Variants in HAVCR1 observed in about 807,000 individuals in gnomAD.
HAVCR1 encodes T cell immunoglobin domain and mucin domain protein 1.
In HAVCR1, 34 loss-of-function variants were observed where a neutral mutation model predicts 32.0. The ratio of observed to expected loss-of-function variants is 1.06; its 90% CI spans 0.81 to 1.42. The LOEUF is 1.42. Ranked by LOEUF, HAVCR1 falls within the 40% of genes most tolerant of loss-of-function variation. HAVCR1 has a pLI of 0.00. For missense variants in HAVCR1, 420 were observed against 442.3 expected (o/e 0.95, Z 0.45); for synonymous variants, 178 against 170.3 (o/e 1.05, Z -0.35).
chr5:157,029,642 T>C lies in HAVCR1; in HGVS notation c.*91A>G, dbSNP rs764346701. 24 of 1,579,146 alleles carry C rather than the reference T, an allele frequency of 1.5e-5. No homozygotes were observed. The East Asian group carries it at 1.8e-4, about 12-fold the overall frequency. ...CCAGATGAAACTGAAACAGAAAAAT[T>C]GTCTTGGGGTCTAAAAGACGTCTGA... On this transcript the variant is annotated 3_prime_UTR_variant, in exon 9 of 9. Transcript: ENST00000523175.
chr5:157,055,153 G>T, intron 3 of HAVCR1, 48 bp downstream of exon 3: 2 of 1,033,160 alleles, frequency 1.9e-6, no homozygotes, highest in Non-Finnish European at 2.9e-6. Flanking sequence ...AATTACTACC[G>T]AACAGAAAAT....
At position 157,048,222 on chromosome 5, in the gene HAVCR1, G is replaced by A. The variant is rs560687523; in HGVS notation, c.781+816C>T. On this transcript the variant is annotated intron_variant, in intron 5 of 8. Coordinates refer to ENST00000523175, the MANE Select transcript of HAVCR1 (RefSeq NM_001173393.3). ...GGACTTGTCAGAAGCATAGGGTCTGGTGTTTGAGCTAAACATCAGAGGGCT... is the reference window on the plus strand; with the variant it reads ...GGACTTGTCAGAAGCATAGGGTCTGATGTTTGAGCTAAACATCAGAGGGCT... Among the ~76,000 whole-genome samples the A allele has an allele frequency of 1.1e-4, 17 of 152,302 alleles. 1 individual carries two copies. In the South Asian group the frequency reaches 3.5e-3, roughly 32 times the overall value.
At chr5:157,044,639 AAGAAAGAAAGAAAG>A (rs1561591398) in intron 5 of HAVCR1, among the ~76,000 whole-genome samples, 2 of 112,576 alleles carry the variant, frequency 1.8e-5, no homozygotes, top group African/African-American at 7.7e-5. Context: ...GAAAGAAAGA[AAGAAAGAAAGAAAG>A]AAAGAAAGAA....
In HAVCR1 at chr5:157,029,826, G is replaced by A. The variant is rs551851890; in HGVS notation, c.1002C>T (p.Ser334=). The change falls in exon 9 of 9, where the codon AGC becomes AGT. Residue 334 remains serine (S), a synonymous_variant. Transcript: ENST00000523175. ...EVQQLSVSFS[S]LQIKALQNAV... ...CATTTTGCAAAGCTTTAATTTGAAGGCTGCTAAATGAAACACTGTAGAAAG... is the reference window on the plus strand; with the variant it reads ...CATTTTGCAAAGCTTTAATTTGAAGACTGCTAAATGAAACACTGTAGAAAG... 1 of 1,612,224 alleles carries A rather than the reference G, an allele frequency of 6.2e-7. No homozygotes were observed. The highest frequency in any genetic ancestry group is 2.2e-5 in the East Asian group (1 of 44,840).
At chr5:157,042,803 T>C in intron 5 of HAVCR1, 121 bp from the exon 6 acceptor site, 2 of 631,892 alleles carry the variant, frequency 3.2e-6, no homozygotes, top group East Asian at 2.8e-5. Context: ...ATGACCAAAT[T>C]CTGCAGGCAC....
chr5:157,066,484 G>A, the HAVCR1 span, among the ~76,000 whole-genome samples: 2 of 138,952 alleles, frequency 1.4e-5, no homozygotes, highest in South Asian at 2.4e-4. Flanking sequence ...CAGCCTGAGT[G>A]ACAGAGTGAG....
intron 5 of HAVCR1, among the ~76,000 whole-genome samples, chr5:157,048,759 G>T (rs879878891): frequency 4.6e-5 from 7 of 152,162 alleles, no homozygotes; most frequent in Admixed American, 3.9e-4. Context: ...GAACCTGGGA[G>T]GCGGAGCTTG....
chr5:157,045,144 T>C (rs568232789), intron 5 of HAVCR1, among the ~76,000 whole-genome samples: 123 of 152,236 alleles, frequency 8.1e-4, no homozygotes, highest in Non-Finnish European at 1.4e-3. Context: ...AGAACGATAT[T>C]AACAGCAATA....
chr5:157,047,217 G>A (rs1755454874), intron 5 of HAVCR1, among the ~76,000 whole-genome samples: 1 of 152,032 alleles, frequency 6.6e-6, no homozygotes, highest in African/African-American at 2.4e-5. Flanking sequence ...CCTTCCCTGT[G>A]CCCCTGGGGG....
At chr5:157,038,221 T>A (rs1754655302) in intron 6 of HAVCR1, among the ~76,000 whole-genome samples, 1 of 152,172 alleles carries the variant, frequency 6.6e-6, no homozygotes, top group Non-Finnish European at 1.5e-5. Flanking sequence ...TATGCAATCA[T>A]GAAGAAATGT....
At chr5:157,051,519 A>G (rs941629769) in intron 4 of HAVCR1, among the ~76,000 whole-genome samples, 2 of 152,116 alleles carry the variant, frequency 1.3e-5, no homozygotes, top group Non-Finnish European at 2.9e-5. Context: ...ACCACTTTCT[A>G]TCTGTGTAAA....
chr5:157,051,564 T>G (rs1173422438), intron 4 of HAVCR1, among the ~76,000 whole-genome samples: 1 of 152,186 alleles, frequency 6.6e-6, no homozygotes, highest in African/African-American at 2.4e-5. Context: ...TCTTTTTCAC[T>G]CTGTTACCCA....
At chr5:157,040,967 A>G (rs1400893356) in intron 6 of HAVCR1, among the ~76,000 whole-genome samples, 1 of 152,166 alleles carries the variant, frequency 6.6e-6, no homozygotes, top group African/African-American at 2.4e-5. Context: ...ATAACCTCAG[A>G]CTTTTTTTGT....
intron 7 of HAVCR1, 88 bp downstream of exon 7, chr5:157,037,159 C>A: frequency 1.3e-6 from 1 of 762,124 alleles, no homozygotes; most frequent in South Asian, 1.4e-5. Context: ...CGTGTGAAAT[C>A]AAAATCATGT....
At chr5:157,037,539 C>G (rs1187334256) in intron 6 of HAVCR1, among the ~76,000 whole-genome samples, 178 bp from the exon 7 acceptor site, 3 of 152,184 alleles carry the variant, frequency 2.0e-5, no homozygotes, top group Non-Finnish European at 2.9e-5. Context: ...TCTAGGACAA[C>G]TTGAAACGCA....
At chr5:157,032,939 A>C in intron 7 of HAVCR1, 52 bp from the exon 8 acceptor site, 3 of 1,068,034 alleles carry the variant, frequency 2.8e-6, no homozygotes, top group Non-Finnish European at 4.2e-6. Context: ...TAAACATCTC[A>C]GCAAGAGTTT....
chr5:157,052,656 T>G lies in HAVCR1; in HGVS notation c.380-2A>C. 6.2e-7 allele frequency: 1 copy of G among 1,612,472 alleles called. No individual in the cohort carries two copies. ...CAATTGGAGTAGTCGTGACCTTGGC[T>G]GGAGTCAGAAATCAACATGAGAGTG... On this transcript the variant is annotated splice_acceptor_variant, in intron 3 of 8. Coordinates refer to ENST00000523175, the MANE Select transcript of HAVCR1 (RefSeq NM_001173393.3). LOFTEE classifies it high-confidence loss of function.
Position 157,057,409 on chromosome 5 carries a change from A to AAGAG in HAVCR1, c.46+488_46+489insCTCT, listed in dbSNP as rs1368619530. Reference sequence around the variant, plus strand: ...GAGGAAAGAAAGAAAGAAAGAAAGAAAGAAAGAAAGAAAGAAAGAAAGAAA... The same window carrying AAGAG: ...GAGGAAAGAAAGAAAGAAAGAAAGAAAGAGAGAAAGAAAGAAAGAAAGAAAGAAA... On this transcript the variant is annotated intron_variant, in intron 2 of 8. Transcript: ENST00000523175. Among the ~76,000 whole-genome samples, 50 of 121,046 alleles carry AAGAG rather than the reference A, an allele frequency of 4.1e-4. 1 individual carries two copies. Among genetic ancestry groups the AAGAG allele is most frequent in the African/African-American group, 1.4e-3 (48 of 34,314 alleles). 79.4% of individuals were successfully genotyped at this position (121,046 alleles called of 152,430 possible).
At chr5:157,045,784 A>G (rs1314060238) in intron 5 of HAVCR1, among the ~76,000 whole-genome samples, 2 of 152,192 alleles carry the variant, frequency 1.3e-5, no homozygotes, top group African/African-American at 4.8e-5. Flanking sequence ...CAGGCACAGT[A>G]AGAACTTGGC....
Sources: gnomAD v4.1 joint callset for allele counts (sites outside exome capture counted in the v4.1 genomes callset) on GRCh38, gnomAD v4.1.1 for gene constraint, MANE v1.5 for transcripts, NCBI Gene and HGNC (gene_info 2026-07-23, HGNC 2026-07-21) for gene names.